Variants in PIGZ observed in about 807,000 individuals in gnomAD.
PIGZ encodes phosphatidylinositol glycan anchor biosynthesis class Z (Gwada blood group), also known as GPI alpha-1,2-mannosyltransferase 4.
PIGZ carries 16 observed loss-of-function variants against 16.4 expected under a neutral mutation model. The observed-to-expected ratio is 0.97, with a 90% CI of 0.66 to 1.48. PIGZ has a LOEUF of 1.48. Among genes scored for constraint, PIGZ ranks in the 40% most tolerant of loss-of-function variants. The pLI is 0.00. For missense variants in PIGZ, 770 were observed against 739.2 expected, an observed-to-expected ratio of 1.04 and a Z score of -0.48; for synonymous variants, 409 against 338.4, an observed-to-expected ratio of 1.21 and a Z score of -2.29.
At chr3:196,948,852 T>C (rs1035118365) in intron 2 of PIGZ, among the ~76,000 whole-genome samples, 167 bp from the exon 3 acceptor site, 1 of 130,478 alleles carries the variant, frequency 7.7e-6, no homozygotes, top group African/African-American at 3.2e-5. Flanking sequence ...TCTCCCTCCT[T>C]CTTTCCCTTC....
intron 1 of PIGZ, among the ~76,000 whole-genome samples, chr3:196,956,969 C>T (rs1717513065): frequency 6.6e-6 from 1 of 152,136 alleles, no homozygotes; most frequent in Admixed American, 6.5e-5. Context: ...TCATAGTGCC[C>T]TGTTTATTTG....
chr3:196,947,521 G>A lies in PIGZ; in HGVS notation c.1376C>T (p.Thr459Ile), dbSNP rs368621898. 5 of 1,613,754 alleles carry A rather than the reference G, an allele frequency of 3.1e-6. No homozygotes were observed. Among genetic ancestry groups the A allele is most frequent in the Non-Finnish European group, 4.2e-6 (5 of 1,180,010 alleles). ...CATGTAGGTGTGAGTGAAGAGGAGT[G>A]TGTAGTGGGTGGGTGTGCTTGGGAG... ...PVLPSTPTHY[T>I]LLFTHTYMPP... The change falls in exon 3 of 3, where the codon ACA becomes ATA. Residue 459 changes from threonine to isoleucine, a missense_variant. Coordinates refer to ENST00000412723, the MANE Select transcript of PIGZ (RefSeq NM_025163.4).
At chr3:196,958,374 T>C (rs1184862025) in intron 1 of PIGZ, among the ~76,000 whole-genome samples, 1 of 152,248 alleles carries the variant, frequency 6.6e-6, no homozygotes, top group Non-Finnish European at 1.5e-5. Flanking sequence ...CTCACGCCTG[T>C]AACCCCAGAA....
At chr3:196,955,958 T>G (rs552560311) in intron 1 of PIGZ, among the ~76,000 whole-genome samples, 17 of 152,104 alleles carry the variant, frequency 1.1e-4, no homozygotes, top group African/African-American at 3.1e-4. Flanking sequence ...ATTTTTTTTG[T>G]CCTTTCTTGC....
chr3:196,951,757 C>A, intron 2 of PIGZ, 64 bp downstream of exon 2: 2 of 1,522,368 alleles, frequency 1.3e-6, no homozygotes, highest in Non-Finnish European at 1.8e-6. Flanking sequence ...CCCACAAAGT[C>A]TCCCGTCAGC....
chr3:196,955,493 T>TA (rs1717441628), intron 1 of PIGZ, among the ~76,000 whole-genome samples: 1 of 152,024 alleles, frequency 6.6e-6, no homozygotes, highest in African/African-American at 2.4e-5. Context: ...TTTCTGATAT[T>TA]ACTGTTGCTA....
chr3:196,962,273 T>C (rs1717750164), intron 1 of PIGZ, among the ~76,000 whole-genome samples: 1 of 152,174 alleles, frequency 6.6e-6, no homozygotes, highest in Non-Finnish European at 1.5e-5. Flanking sequence ...TTGAAGGCAG[T>C]ATGCTTGGTA....
chr3:196,951,802 C>A lies in PIGZ; in HGVS notation c.211+19G>T. ...AGACTCTGCTGCAGCTTGTCTCAGC[C>A]ACACATGCGGAGTTTTACCTGCCAT... On this transcript the variant is annotated intron_variant, in intron 2 of 2. Transcript: ENST00000412723. The A allele has an allele frequency of 6.2e-7, 1 of 1,613,164 alleles. No homozygotes were observed. Among genetic ancestry groups the A allele is most frequent in the Non-Finnish European group, 8.5e-7 (1 of 1,179,322 alleles).
At chr3:196,957,205 G>A (rs568689428) in intron 1 of PIGZ, among the ~76,000 whole-genome samples, 1 of 151,092 alleles carries the variant, frequency 6.6e-6, no homozygotes, top group African/African-American at 2.4e-5. Flanking sequence ...GTGTGTGTAT[G>A]TGTTTATCTT....
At chr3:196,952,080 T>C (rs570035309) in intron 1 of PIGZ, 49 bp from the exon 2 acceptor site, 134 of 1,507,346 alleles carry the variant, frequency 8.9e-5, no homozygotes, top group Non-Finnish European at 2.7e-6. Flanking sequence ...TTATAATATA[T>C]TCAACTGTCT....
rs746354849 is a variant in PIGZ at position 196,947,490 on chromosome 3, G to A, written c.1407C>T (p.Pro469=). Residue 469 remains proline (P), a synonymous_variant, in exon 3 of 3, where the codon CCC becomes CCT. Coordinates refer to ENST00000412723, the MANE Select transcript of PIGZ (RefSeq NM_025163.4). ...GGCCTGGGAGGTGTAGGAGGTGCCG[G>A]GGGGGCATGTAGGTGTGAGTGAAGA... is the stretch of plus-strand genomic sequence containing the variant. ...TLLFTHTYMP[P]RHLLHLPGLG... 4 of 1,613,544 alleles carry A rather than the reference G, an allele frequency of 2.5e-6. No homozygotes were observed. The highest frequency in any genetic ancestry group is 3.4e-6 in the Non-Finnish European group (4 of 1,179,988).
intron 1 of PIGZ, among the ~76,000 whole-genome samples, chr3:196,954,359 T>C (rs540395145): frequency 4.5e-4 from 68 of 152,340 alleles, no homozygotes; most frequent in African/African-American, 1.6e-3. Flanking sequence ...TATCAAACAT[T>C]AGAAATTAAA....
intron 1 of PIGZ, among the ~76,000 whole-genome samples, chr3:196,960,647 C>T (rs938956734): frequency 1.0e-4 from 15 of 143,588 alleles, no homozygotes; most frequent in African/African-American, 2.3e-4. Context: ...CCATCCTGGG[C>T]GATAGAGCAA....
rs12636891 is a variant in PIGZ, at chr3:196,948,008, A to G, written c.889T>C (p.Leu297=). 0.48 allele frequency: 771,275 copies of G among 1,596,586 alleles called. 191,419 individuals carry two copies. The highest frequency in any genetic ancestry group is 0.78 in the East Asian group (34,692 of 44,508). Residue 297 remains leucine (L), a synonymous_variant, in exon 3 of 3, where the codon TTG becomes CTG. Transcript: ENST00000412723. ...TTTTGGGGATTCAGGTTGTAGTGCA[A>G]GAAGTTGACAGGTGTCAGGACAAGG... ...RNLVLTPVNF[L]HYNLNPQNLA... is the part of the protein sequence containing the mutation.
At chr3:196,958,974 T>C (rs907689906) in intron 1 of PIGZ, among the ~76,000 whole-genome samples, 1 of 152,202 alleles carries the variant, frequency 6.6e-6, no homozygotes, top group African/African-American at 2.4e-5. Context: ...GGAACTTGTA[T>C]ATCTCCACAA....
chr3:196,967,441 A>G (rs1717976861), intron 1 of PIGZ, among the ~76,000 whole-genome samples: 2 of 152,196 alleles, frequency 1.3e-5, no homozygotes, highest in South Asian at 4.1e-4. Flanking sequence ...CGGCGGGCCC[A>G]AGGTTCGGCC....
intron 1 of PIGZ, among the ~76,000 whole-genome samples, chr3:196,958,833 C>G (rs1717601541): frequency 6.6e-6 from 1 of 152,060 alleles, no homozygotes; most frequent in Non-Finnish European, 1.5e-5. Context: ...TCAAATTATT[C>G]TCAAGGAAGT....
chr3:196,950,134 G>A (rs538104677), intron 2 of PIGZ, among the ~76,000 whole-genome samples: 12 of 151,996 alleles, frequency 7.9e-5, no homozygotes, highest in East Asian at 3.9e-4. Flanking sequence ...ACAGGCGCCC[G>A]CCACTGTGCC....
chr3:196,958,950 AAAACT>A (rs1717605543), intron 1 of PIGZ, among the ~76,000 whole-genome samples: 1 of 152,190 alleles, frequency 6.6e-6, no homozygotes. Flanking sequence ...GATGTGTCTC[AAAACT>A]ACTATGCGGG....
Sources: gnomAD v4.1 joint callset for allele counts (sites outside exome capture counted in the v4.1 genomes callset) on GRCh38, gnomAD v4.1.1 for gene constraint, MANE v1.5 for transcripts, NCBI Gene and HGNC (gene_info 2026-07-23, HGNC 2026-07-21) for gene names.